DST: variants seen among roughly 807,000 people sequenced by gnomAD.
The protein encoded by DST is bullous pemphigoid antigen.
A neutral mutation model predicts 875.2 loss-of-function variants in DST; 253 were observed. The ratio of observed to expected loss-of-function variants is 0.29; its 90% CI spans 0.26 to 0.32. The LOEUF (loss-of-function observed/expected upper bound fraction) is 0.32, where lower values mean the gene tolerates loss of function less well. Ranked by LOEUF, DST falls within the 10% of genes least tolerant of loss-of-function variation. The pLI, the probability that DST is intolerant of heterozygous loss-of-function variation, is 1.00. For missense variants in DST, 8,287 were observed against 9,111.6 expected (o/e 0.91, Z 3.68); for synonymous variants, 3,124 against 3,197.1 (o/e 0.98, Z 0.77).
chr6:56,951,984 C>A (rs1480577869), intron 2 of DST, among the ~76,000 whole-genome samples: 1 of 151,510 alleles, frequency 6.6e-6, no homozygotes, highest in Admixed American at 6.6e-5. Context: ...TTTTTTCATT[C>A]ATTCATTCAA....
At chr6:56,616,936 TG>T (rs755887627) in intron 36 of DST, 3 of 1,605,810 alleles carry the variant, frequency 1.9e-6, no homozygotes, top group Non-Finnish European at 2.6e-6. Context: ...TTATAAAACC[TG>T]TTGCAGCCTG....
chr6:56,553,732 C>A, intron 60 of DST, 77 bp from the exon 61 acceptor site: 3 of 1,344,844 alleles, frequency 2.2e-6, no homozygotes, highest in Non-Finnish European at 3.0e-6. Flanking sequence ...AAATAAAAAT[C>A]TCTGAATGAA....
rs141891635 is a variant in DST, at chr6:56,513,506, A to G, written c.18576+1944T>C. Among the ~76,000 whole-genome samples, 548 of 152,270 alleles carry G rather than the reference A, an allele frequency of 3.6e-3. 4 individuals are homozygous for G. Among genetic ancestry groups the G allele is most frequent in the African/African-American group, 0.013 (532 of 41,548 alleles). On this transcript the variant is annotated intron_variant, in intron 72 of 103. Transcript: ENST00000680361. ...CGGCCTCCCAAACTGCTGGGATTACAGGCGTGAGTCACCACATCTGACTAA... is the reference window on the plus strand; with the variant it reads ...CGGCCTCCCAAACTGCTGGGATTACGGGCGTGAGTCACCACATCTGACTAA...
At chr6:56,463,446 A>C in intron 101 of DST, 119 bp downstream of exon 101, 23 of 924,488 alleles carry the variant, frequency 2.5e-5, no homozygotes, top group South Asian at 5.5e-5. Flanking sequence ...CAGTATGAGA[A>C]GGTGCACAAA....
At chr6:56,620,816 C>A in intron 36 of DST, 1 of 1,083,268 alleles carries the variant, frequency 9.2e-7, no homozygotes, top group Non-Finnish European at 1.4e-6. Context: ...CAAGTGAACT[C>A]AAATGCAGAA....
At chr6:56,901,031 T>G (rs1793826458) in intron 2 of DST, among the ~76,000 whole-genome samples, 1 of 151,950 alleles carries the variant, frequency 6.6e-6, no homozygotes, top group Non-Finnish European at 1.5e-5. Context: ...CCACTTTACA[T>G]TCCTGAGAGA....
At position 56,609,288 on chromosome 6, in the gene DST, G is replaced by A. The variant is rs576080838; in HGVS notation, c.5340C>T (p.Val1780=). 44 of 1,613,422 alleles carry A rather than the reference G, an allele frequency of 2.7e-5. No individual in the cohort carries two copies. In the East Asian group the frequency reaches 9.1e-4, roughly 34 times the overall value. ...TGAGGCCTCTTAAAACTGCTTGAAA[G>A]ACTGAAAGGACTTCTCCAGTTGTCT... The part of the protein sequence containing the change: ...IDQTTGEVLS[V]FQAVLRGLID... Residue 1780 remains valine, a synonymous_variant, in exon 40 of 104, where the codon GTC becomes GTT. Coordinates refer to ENST00000680361, the MANE Select transcript of DST (RefSeq NM_001374736.1).
At chr6:56,509,596 C>T in intron 74 of DST, 46 bp downstream of exon 74, 1 of 1,456,454 alleles carries the variant, frequency 6.9e-7, no homozygotes, top group Middle Eastern at 1.8e-4. Flanking sequence ...ACCGCATAAA[C>T]ATTTAGAATG....
At chr6:56,702,402 C>G (rs183284411) in intron 7 of DST, among the ~76,000 whole-genome samples, 2,266 of 150,924 alleles carry the variant, frequency 0.015, 51 homozygotes, top group African/African-American at 0.052. Flanking sequence ...CACACACACA[C>G]ATATATATAT....
chr6:56,545,154 C>T (rs2097202109), intron 61 of DST, among the ~76,000 whole-genome samples: 1 of 151,706 alleles, frequency 6.6e-6, no homozygotes, highest in African/African-American at 2.4e-5. Flanking sequence ...AGATGCGCAC[C>T]ACTACACCTG....
intron 61 of DST, among the ~76,000 whole-genome samples, chr6:56,544,239 A>G (rs1483294471): frequency 6.6e-6 from 1 of 152,246 alleles, no homozygotes; most frequent in East Asian, 1.9e-4. Flanking sequence ...CTCTCTTGAT[A>G]TGTAAGCTTA....
Position 56,651,024 on chromosome 6 carries a change from C to T in DST, c.1336G>A (p.Val446Ile). The T allele has an allele frequency of 6.2e-7, 1 of 1,608,340 alleles. No homozygotes were observed. The highest frequency in any genetic ancestry group is 8.5e-7 in the Non-Finnish European group (1 of 1,175,630). ...IRLLDPEDVD[V>I]SSPDEKSVIT... The stretch of plus-strand genomic sequence containing the variant: ...ACTGATTTTTCATCAGGTGAGGAGA[C>T]ATCGACATCTAAAAACAGCAACATA... Residue 446 changes from valine to isoleucine, a missense_variant, in exon 12 of 104, where the codon GTC becomes ATC. Transcript: ENST00000680361.
rs1263209727 is a variant in DST at position 56,639,532 on chromosome 6, A to G, written c.2777T>C (p.Leu926Ser). 5 of 1,613,898 alleles carry G rather than the reference A, an allele frequency of 3.1e-6. No homozygotes were observed. The highest frequency in any genetic ancestry group is 4.2e-6 in the Non-Finnish European group (5 of 1,179,890). The change falls in exon 21 of 104, where the codon TTG becomes TCG. Residue 926 changes from leucine (L) to serine (S), a missense_variant. Around this residue, in one of 10 missense-constraint regions of DST, gnomAD observed 1,160 missense variants for 1,424.3 expected, o/e 0.81. Coordinates refer to ENST00000680361, the MANE Select transcript of DST (RefSeq NM_001374736.1). Reference protein sequence around the residue: ...VSRATNELIWLNEKEEEEVAY... With the variant: ...VSRATNELIWSNEKEEEEVAY... ...AACTTCCTCCTCTTCTTTTTCATTC[A>G]ACCAAATAAGTTCATTAGTCGCACG...
At chr6:56,824,874 TGG>T (rs1394732612) in intron 4 of DST, among the ~76,000 whole-genome samples, 1 of 147,348 alleles carries the variant, frequency 6.8e-6, no homozygotes, top group African/African-American at 2.5e-5. Context: ...GGGAGGGAGG[TGG>T]GGGGGTCAGC....
chr6:56,592,147 C>T (rs2098287212), intron 49 of DST, 35 bp downstream of exon 49: 2 of 1,584,656 alleles, frequency 1.3e-6, no homozygotes, highest in Non-Finnish European at 1.7e-6. Context: ...TTCAGTAAGA[C>T]TACTGGAAAT....
chr6:56,788,026 G>T (rs2099708569), intron 4 of DST, among the ~76,000 whole-genome samples: 1 of 149,432 alleles, frequency 6.7e-6, no homozygotes, highest in African/African-American at 2.5e-5. Flanking sequence ...CTACTCGTGA[G>T]GCTGAGGCAG....
At chr6:56,709,331 G>T in intron 5 of DST, among the ~76,000 whole-genome samples, 1 of 152,194 alleles carries the variant, frequency 6.6e-6, no homozygotes, top group Non-Finnish European at 1.5e-5. Flanking sequence ...TTATTTTGGA[G>T]TGAGAACACA....
chr6:56,906,981 C>T (rs927270317), intron 2 of DST, among the ~76,000 whole-genome samples: 2 of 152,092 alleles, frequency 1.3e-5, no homozygotes, highest in African/African-American at 4.8e-5. Context: ...ATAGTTACAC[C>T]AAGATGCTCC....
chr6:56,576,133 T>C (rs529502869), intron 50 of DST, among the ~76,000 whole-genome samples: 1 of 152,280 alleles, frequency 6.6e-6, no homozygotes, highest in East Asian at 1.9e-4. Context: ...ATAGGATTCG[T>C]CTGGGGAGCT....
Sources: gnomAD v4.1 joint callset for allele counts (sites outside exome capture counted in the v4.1 genomes callset) on GRCh38, gnomAD v4.1.1 for gene constraint, gnomAD v4.1.1 regional missense constraint, MANE v1.5 for transcripts, NCBI Gene and HGNC (gene_info 2026-07-23, HGNC 2026-07-21) for gene names.